Variants in MPIG6B observed in about 807,000 individuals in gnomAD.
MPIG6B encodes immunoglobulin receptor.
In MPIG6B, 22 loss-of-function variants were observed where a neutral mutation model predicts 24.2. The observed-to-expected ratio is 0.91, with a 90% CI of 0.65 to 1.30. The LOEUF (loss-of-function observed/expected upper bound fraction) is 1.30, where lower values mean the gene tolerates loss of function less well. MPIG6B is among the 50% of genes most tolerant of loss of function. The pLI is 0.00. For synonymous variants in MPIG6B, 136 were observed against 142.0 expected (o/e 0.96, Z 0.30); for missense variants, 301 against 318.5 (o/e 0.94, Z 0.42).
upstream of MPIG6B, chr6:31,722,928 T>C (rs1806910769): frequency 4.5e-6 from 1 of 220,632 alleles, no homozygotes; most frequent in Non-Finnish European, 9.2e-6. Context: ...TCTAAGCAGT[T>C]TACATGTATT....
At chr6:31,723,259 G>GCC, upstream of MPIG6B, 2 of 590,038 alleles carry the variant, frequency 3.4e-6, no homozygotes, top group Non-Finnish European at 6.2e-6. The surrounding 1 kb of genome is among the most constrained non-coding windows in gnomAD (Gnocchi z 4.3). Context: ...TGGTGGCCCC[G>GCC]CCCCCTCTCT....
chr6:31,724,350 G>A, intron 3 of MPIG6B, 118 bp downstream of exon 3: 1 of 938,320 alleles, frequency 1.1e-6, no homozygotes, highest in Non-Finnish European at 1.6e-6. Flanking sequence ...GCTTGGCGAA[G>A]AATGGGAGAG....
upstream of MPIG6B, chr6:31,721,595 C>T: frequency 6.2e-7 from 1 of 1,607,798 alleles, no homozygotes; most frequent in Non-Finnish European, 8.5e-7. Context: ...CCTGACCAGG[C>T]AAACCAGGTC....
chr6:31,723,453 T>A lies in MPIG6B; in HGVS notation c.61+9T>A. 2 of 1,611,500 alleles carry A rather than the reference T, an allele frequency of 1.2e-6. No homozygotes were observed. The highest frequency in any genetic ancestry group is 1.7e-6 in the Non-Finnish European group (2 of 1,178,536). On this transcript the variant is annotated intron_variant, in intron 1 of 5. Coordinates refer to ENST00000649779, the MANE Select transcript of MPIG6B (RefSeq NM_138272.3). The surrounding 1 kb of genome is among the most constrained non-coding windows in gnomAD (Gnocchi z 4.3). ...CCAAGGGAACCCTGGGGGTAAGCGA[T>A]CCCTGGGAGAGTTGTGATAGACGCA...
upstream of MPIG6B, chr6:31,723,195 C>T (rs1427140097): frequency 7.9e-6 from 5 of 635,468 alleles, no homozygotes; most frequent in Admixed American, 5.1e-5. The surrounding 1 kb of genome is among the most constrained non-coding windows in gnomAD (Gnocchi z 4.3). Flanking sequence ...TAAGTGAGAA[C>T]CATTTGAAGA....
chr6:31,723,278 C>A (rs1806946098), upstream of MPIG6B: 5 of 740,238 alleles, frequency 6.8e-6, no homozygotes, highest in South Asian at 6.4e-5. This position sits in a 1 kb window ranked among gnomAD's most constrained non-coding sequence, Gnocchi z 4.3. Context: ...CTTATCGGAG[C>A]CCCCCAGCCC....
chr6:31,723,928 TACAGTGCTTC>T lies in MPIG6B; in HGVS notation c.354_363del (p.Val119CysfsTer23). ...AGGGCCGCCACGAGGACGAGAGCCGTACAGTGCTTCACGTGCTGGGGGACAGGACCTATTG... is the reference window on the plus strand; with the variant it reads ...AGGGCCGCCACGAGGACGAGAGCCGTACGTGCTGGGGGACAGGACCTATTG... On this transcript the variant is annotated frameshift_variant, in exon 2 of 6. Transcript: ENST00000649779. LOFTEE classifies it high-confidence loss of function. The surrounding 1 kb of genome is among the most constrained non-coding windows in gnomAD (Gnocchi z 4.3). 7 of 1,583,440 alleles carry T rather than the reference TACAGTGCTTC, an allele frequency of 4.4e-6. No individual in the cohort carries two copies. Among genetic ancestry groups the T allele is most frequent in the Non-Finnish European group, 6.0e-6 (7 of 1,163,922 alleles).
rs774612846 is a variant in MPIG6B at position 31,723,887 on chromosome 6, G to T, written c.310G>T (p.Gly104Cys). 6.2e-7 allele frequency: 1 copy of T among 1,608,604 alleles called. No individual in the cohort carries two copies. The highest frequency in any genetic ancestry group is 8.5e-7 in the Non-Finnish European group (1 of 1,177,160). ...GCTCCTCTTGAGCGCGGGGGACTCG[G>T]GCACTTTTTTCTGCAAGGGCCGCCA... ...LELLLSAGDS[G>C]TFFCKGRHED... The change falls in exon 2 of 6, where the codon GGC becomes TGC. Residue 104 changes from glycine to cysteine, a missense_variant. Coordinates refer to ENST00000649779, the MANE Select transcript of MPIG6B (RefSeq NM_138272.3). The surrounding 1 kb of genome is among the most constrained non-coding windows in gnomAD (Gnocchi z 4.3).
Position 31,723,885 on chromosome 6 carries a change from C to T in MPIG6B, c.308C>T (p.Ser103Leu), listed in dbSNP as rs1240431183. 6.2e-7 allele frequency: 1 copy of T among 1,608,680 alleles called. No individual in the cohort carries two copies. The highest frequency in any genetic ancestry group is 8.5e-7 in the Non-Finnish European group (1 of 1,177,226). ...GAGCTCCTCTTGAGCGCGGGGGACT[C>T]GGGCACTTTTTTCTGCAAGGGCCGC... Reference protein sequence around the residue: ...RLELLLSAGDSGTFFCKGRHE... With the variant: ...RLELLLSAGDLGTFFCKGRHE... The change falls in exon 2 of 6, where the codon TCG (serine) becomes TTG (leucine). Residue 103 changes from serine (S) to leucine (L), a missense_variant. Physicochemically the swap from Ser to Leu is moderately radical, Grantham distance 145. Transcript: ENST00000649779. The surrounding 1 kb of genome is among the most constrained non-coding windows in gnomAD (Gnocchi z 4.3).
At chr6:31,723,276 A>G (rs2151297105), upstream of MPIG6B, 36 of 536,888 alleles carry the variant, frequency 6.7e-5, no homozygotes, top group Admixed American at 1.2e-4. This position sits in a 1 kb window ranked among gnomAD's most constrained non-coding sequence, Gnocchi z 4.3. Flanking sequence ...CTCTTATCGG[A>G]GCCCCCCAGC....
chr6:31,723,791 C>T lies in MPIG6B; in HGVS notation c.214C>T (p.Pro72Ser). Residue 72 changes from proline to serine, a missense_variant, in exon 2 of 6, where the codon CCC (proline) becomes TCC (serine). Pro to Ser is a moderately conservative substitution (Grantham distance 74). Transcript: ENST00000649779. This position sits in a 1 kb window ranked among gnomAD's most constrained non-coding sequence, Gnocchi z 4.3. Reference sequence around the variant, plus strand: ...CCTGTGGGCCTCTTCGAGCGGGACCCCCACCGTGCCTCCCCTCCAGCCTTT... The same window carrying T: ...CCTGTGGGCCTCTTCGAGCGGGACCTCCACCGTGCCTCCCCTCCAGCCTTT... ...PILWASSSGTPTVPPLQPFVG... is the reference protein window; with the variant it reads ...PILWASSSGTSTVPPLQPFVG... The T allele has an allele frequency of 6.2e-7, 1 of 1,614,016 alleles. No homozygotes were observed. Among genetic ancestry groups the T allele is most frequent in the Non-Finnish European group, 8.5e-7 (1 of 1,179,986 alleles).
At chr6:31,722,681 C>T (rs565004503), upstream of MPIG6B, among the ~76,000 whole-genome samples, 2 of 148,706 alleles carry the variant, frequency 1.3e-5, no homozygotes, top group African/African-American at 5.1e-5. Flanking sequence ...ATGGTGAAAC[C>T]CCATCTCTAC....
At chr6:31,720,313 C>T (rs1241812978), upstream of MPIG6B, 6 of 716,764 alleles carry the variant, frequency 8.4e-6, no homozygotes, top group African/African-American at 1.0e-4. This position sits in a 1 kb window ranked among gnomAD's most constrained non-coding sequence, Gnocchi z 4.9. Flanking sequence ...CGTAGGTGCT[C>T]CAACCTGTTT....
Position 31,724,984 on chromosome 6 carries a change from G to C in MPIG6B, c.636G>C (p.Ala212=). Residue 212 remains alanine (A), a synonymous_variant, in exon 6 of 6, where the codon GCG becomes GCC. Coordinates refer to ENST00000649779, the MANE Select transcript of MPIG6B (RefSeq NM_138272.3). The part of the protein sequence containing the change: ...DLDQEPSLLY[A]DLDHLALSRP... Reference sequence around the variant, plus strand: ...TCCTCCTCCAGAGCCTGCTCTATGCGGATCTGGACCATCTAGCCCTCAGCA... The same window carrying C: ...TCCTCCTCCAGAGCCTGCTCTATGCCGATCTGGACCATCTAGCCCTCAGCA... 1 of 1,613,838 alleles carries C rather than the reference G, an allele frequency of 6.2e-7. No individual in the cohort carries two copies. The highest frequency in any genetic ancestry group is 8.5e-7 in the Non-Finnish European group (1 of 1,179,918).
At chr6:31,724,493 C>T in intron 3 of MPIG6B, 94 bp from the exon 4 acceptor site, 2 of 1,101,506 alleles carry the variant, frequency 1.8e-6, no homozygotes, top group Non-Finnish European at 1.4e-6. Context: ...CGGTCTGAGC[C>T]TTCAAGTTGC....
In MPIG6B at chr6:31,723,628, G is replaced by T. The variant is rs1385879025; in HGVS notation, c.62-11G>T. 3 of 1,548,138 alleles carry T rather than the reference G, an allele frequency of 1.9e-6. No homozygotes were observed. The highest frequency in any genetic ancestry group is 2.6e-6 in the Non-Finnish European group (3 of 1,149,600). On this transcript the variant is annotated splice_polypyrimidine_tract_variant and intron_variant, in intron 1 of 5. Transcript: ENST00000649779. This position sits in a 1 kb window ranked among gnomAD's most constrained non-coding sequence, Gnocchi z 4.3. ...GGACGTGCCCTAACCACAGCCTCCG[G>T]CCTCTCCTAGCTTCTCTGGACGGCC...
In MPIG6B at chr6:31,724,660, T is replaced by C. The variant is rs775083566; in HGVS notation, c.541+33T>C. 5.0e-6 allele frequency: 8 copies of C among 1,610,340 alleles called. No homozygotes were observed. In the Admixed American group the frequency reaches 1.3e-4, roughly 27 times the overall value. On this transcript the variant is annotated intron_variant, in intron 4 of 5. Coordinates refer to ENST00000649779, the MANE Select transcript of MPIG6B (RefSeq NM_138272.3). ...TAATTCCACCCCATTTTCTTTCTCC[T>C]ACATGCCCACTCCCCACCCCTCAAT... is the stretch of plus-strand genomic sequence containing the variant.
intron 3 of MPIG6B, 56 bp from the exon 4 acceptor site, chr6:31,724,531 A>G: frequency 6.7e-7 from 1 of 1,486,436 alleles, no homozygotes; most frequent in Non-Finnish European, 9.4e-7. Context: ...GGCGAGTCCC[A>G]GGAGAACCAG....
upstream of MPIG6B, chr6:31,721,858 G>C: frequency 3.1e-6 from 2 of 644,622 alleles, no homozygotes; most frequent in Non-Finnish European, 5.4e-6. Context: ...AAAAGACAAG[G>C]GGTGGGAAGG....
Sources: allele counts gnomAD v4.1 joint callset (sites outside exome capture counted in the v4.1 genomes callset), GRCh38; gene constraint gnomAD v4.1.1; non-coding constraint Gnocchi (gnomAD v3.1); transcripts MANE v1.5; gene names NCBI Gene and HGNC (gene_info 2026-07-23, HGNC 2026-07-21).